The following ELAVL2 variants were observed in gnomAD, a reference collection of about 807,000 sequenced individuals.
ELAVL2 encodes the protein ELAV like RNA binding protein 2, also known as ELAV-like protein 2.
ELAVL2 carries 4 observed loss-of-function variants against 34.6 expected under a neutral mutation model. The observed-to-expected ratio is 0.12, with a 90% CI of 0.06 to 0.26. ELAVL2 has a LOEUF of 0.26. Among genes scored for constraint, ELAVL2 ranks in the 10% least tolerant of loss-of-function variants. The pLI, the probability that ELAVL2 is intolerant of heterozygous loss-of-function variation, is 1.00. For missense variants in ELAVL2, 432 were observed against 442.8 expected (o/e 0.98, Z 0.22); for synonymous variants, 193 against 154.8 (o/e 1.25, Z -1.83).
At chr9:23,735,238 T>G (rs1337015765) in intron 2 of ELAVL2, 5 of 151,734 alleles carry the variant, frequency 3.3e-5, no homozygotes, top group African/African-American at 1.2e-4. Context: ...AGAAGCTACC[T>G]GTGGTCAAGT....
chr9:23,826,625 A>G (rs967841625), upstream of ELAVL2, among the ~76,000 whole-genome samples: 1 of 152,234 alleles, frequency 6.6e-6, no homozygotes, highest in Non-Finnish European at 1.5e-5. Context: ...CTGTACTATC[A>G]GAGTTTGCGA....
chr9:23,750,683 T>A (rs2051735958), intron 2 of ELAVL2, among the ~76,000 whole-genome samples: 1 of 152,182 alleles, frequency 6.6e-6, no homozygotes, highest in Non-Finnish European at 1.5e-5. Flanking sequence ...GTCAATTGAT[T>A]TGATACACCA....
chr9:23,753,545 C>T (rs1486652871), intron 2 of ELAVL2, among the ~76,000 whole-genome samples: 1 of 152,026 alleles, frequency 6.6e-6, no homozygotes, highest in African/African-American at 2.4e-5. Context: ...GGGTATAAAT[C>T]ATTTTCATAC....
At chr9:23,769,353 T>G (rs1212305082) in intron 1 of ELAVL2, among the ~76,000 whole-genome samples, 2 of 152,144 alleles carry the variant, frequency 1.3e-5, no homozygotes, top group African/African-American at 4.8e-5. Context: ...GTCAAAGGGA[T>G]CATCTGCCCG....
At chr9:23,694,040 G>GA (rs538556717) in intron 5 of ELAVL2, among the ~76,000 whole-genome samples, 5 of 152,058 alleles carry the variant, frequency 3.3e-5, no homozygotes, top group Admixed American at 6.6e-5. Context: ...ATTACAGGTA[G>GA]AAAAAACCTT....
chr9:23,709,155 G>T (rs954498122), intron 3 of ELAVL2, among the ~76,000 whole-genome samples: 3 of 152,098 alleles, frequency 2.0e-5, no homozygotes, highest in Admixed American at 2.0e-4. Flanking sequence ...CAAGGCTCAA[G>T]GTCCTACCCC....
intron 1 of ELAVL2, among the ~76,000 whole-genome samples, chr9:23,771,213 G>A (rs1234156681): frequency 6.6e-6 from 1 of 152,174 alleles, no homozygotes; most frequent in African/African-American, 2.4e-5. Flanking sequence ...GATATACCCA[G>A]AAGAAAACAC....
intron 1 of ELAVL2, among the ~76,000 whole-genome samples, chr9:23,825,188 G>T (rs1195756078): frequency 1.4e-4 from 21 of 152,170 alleles, no homozygotes; most frequent in Admixed American, 1.4e-3. Context: ...ATACAATGAT[G>T]AGTTCTGACA....
intron 1 of ELAVL2, among the ~76,000 whole-genome samples, chr9:23,819,298 T>C (rs1337058057): frequency 6.6e-6 from 1 of 152,158 alleles, no homozygotes; most frequent in Non-Finnish European, 1.5e-5. Context: ...CAGAAAGGCT[T>C]TGTTTTTCTC....
intron 1 of ELAVL2, among the ~76,000 whole-genome samples, chr9:23,808,493 C>G (rs2062544043): frequency 6.6e-6 from 1 of 151,986 alleles, no homozygotes; most frequent in Non-Finnish European, 1.5e-5. Context: ...TTTTAAAGTA[C>G]TGGGGGGCAG....
intron 2 of ELAVL2, among the ~76,000 whole-genome samples, chr9:23,756,078 A>G (rs1231802922): frequency 6.6e-6 from 1 of 152,184 alleles, no homozygotes; most frequent in Non-Finnish European, 1.5e-5. Flanking sequence ...CTAAGATTGT[A>G]TTTGTTTAAA....
chr9:23,782,656 T>C (rs2059215829), intron 1 of ELAVL2, among the ~76,000 whole-genome samples: 1 of 152,144 alleles, frequency 6.6e-6, no homozygotes, highest in African/African-American at 2.4e-5. Flanking sequence ...GCTGCAACCA[T>C]GAACTAAGAT....
chr9:23,690,568 T>C lies in ELAVL2; in HGVS notation c.*1989A>G, dbSNP rs1166541669. 1 of 152,582 alleles carries C rather than the reference T, an allele frequency of 6.6e-6. No homozygotes were observed. Among genetic ancestry groups the C allele is most frequent in the African/African-American group, 2.4e-5 (1 of 41,436 alleles). The allele number at this position is 152,582 out of a possible 1,614,324, so 9.5% of individuals were successfully genotyped here. A position where few individuals can be genotyped will look rare whatever the true frequency, so the allele number is the denominator to read the frequency against. The stretch of plus-strand genomic sequence containing the variant: ...GAGTGGGTCAGCATGAAAACTCGCT[T>C]ATTCACTTTAGCACGCGCCTCACAG... On this transcript the variant is annotated 3_prime_UTR_variant, in exon 7 of 7. Transcript: ENST00000397312.
chr9:23,838,111 A>G, the ELAVL2 span, among the ~76,000 whole-genome samples: 3 of 152,208 alleles, frequency 2.0e-5, no homozygotes, highest in African/African-American at 7.2e-5. Context: ...TATTTATGAA[A>G]TATTATTAAG....
intron 3 of ELAVL2, among the ~76,000 whole-genome samples, chr9:23,727,913 C>T (rs2045624969): frequency 6.6e-6 from 1 of 152,018 alleles, no homozygotes; most frequent in Admixed American, 6.6e-5. Context: ...GTTTCAATAT[C>T]CCAATAACCA....
chr9:23,836,600 G>A, the ELAVL2 span, among the ~76,000 whole-genome samples: 1 of 152,084 alleles, frequency 6.6e-6, no homozygotes, highest in Non-Finnish European at 1.5e-5. Context: ...ATATATTACA[G>A]TGTTCAGTCC....
chr9:23,837,202 C>T, the ELAVL2 span, among the ~76,000 whole-genome samples: 1 of 152,238 alleles, frequency 6.6e-6, no homozygotes, highest in African/African-American at 2.4e-5. Flanking sequence ...GGGAGAGAAA[C>T]CAGAGACAAG....
rs1454331597 is a variant in ELAVL2, at chr9:23,783,312, TG to T, written c.-15-21064del. ...AAGTAAATATTCAAGGTGCCAAGAC[TG>T]GAAGACAGCAAGATCTCACTCAGCT... On this transcript the variant is annotated intron_variant, in intron 1 of 6. Coordinates refer to ENST00000397312, the MANE Select transcript of ELAVL2 (RefSeq NM_004432.5). 3.9e-5 allele frequency among the ~76,000 whole-genome samples: 6 copies of T among 152,222 alleles called. No individual in the cohort carries two copies. The East Asian group carries it at 5.8e-4, about 15-fold the overall frequency.
chr9:23,747,429 AT>A (rs1478598759), intron 2 of ELAVL2, among the ~76,000 whole-genome samples: 3 of 152,192 alleles, frequency 2.0e-5, no homozygotes, highest in Admixed American at 6.5e-5. Context: ...GGACTACGGT[AT>A]TTCATGGCAC....
Sources: allele counts gnomAD v4.1 joint callset (sites outside exome capture counted in the v4.1 genomes callset), GRCh38; gene constraint gnomAD v4.1.1; transcripts MANE v1.5; gene names NCBI Gene and HGNC (gene_info 2026-07-23, HGNC 2026-07-21).